Variants in NUDT9 observed in about 807,000 individuals in gnomAD.
The protein encoded by NUDT9 is ADP-ribose pyrophosphatase.
NUDT9 carries 31 observed loss-of-function variants against 41.0 expected under a neutral mutation model. That is an observed-to-expected ratio of 0.76 (90% confidence interval 0.57 to 1.02). The LOEUF (loss-of-function observed/expected upper bound fraction) is 1.02. Among genes scored for constraint, NUDT9 ranks in the 50% least tolerant of loss-of-function variants. The pLI, the probability that NUDT9 is intolerant of heterozygous loss-of-function variation, is 0.00. For synonymous variants in NUDT9, 146 were observed against 147.6 expected (o/e 0.99, Z 0.08); for missense variants, 380 against 431.4 (o/e 0.88, Z 1.06).
intron 4 of NUDT9, among the ~76,000 whole-genome samples, chr4:87,448,825 C>A (rs1722584942): frequency 6.6e-6 from 1 of 152,214 alleles, no homozygotes; most frequent in East Asian, 1.9e-4. Context: ...ACTTTGATAA[C>A]CTTTTCTTTA....
chr4:87,445,599 A>C (rs1304557960), intron 4 of NUDT9: 1 of 152,178 alleles, frequency 6.6e-6, no homozygotes, highest in Non-Finnish European at 1.5e-5. Flanking sequence ...AGGTCAAACA[A>C]TTGATGACAA....
intron 3 of NUDT9, among the ~76,000 whole-genome samples, chr4:87,441,361 G>A (rs1016646640): frequency 1.3e-5 from 2 of 152,120 alleles, no homozygotes; most frequent in Non-Finnish European, 2.9e-5. Flanking sequence ...CTTATCATAT[G>A]CTACAAATAT....
At chr4:87,423,047 T>G in intron 1 of NUDT9, 35 bp downstream of exon 1, 2 of 1,543,002 alleles carry the variant, frequency 1.3e-6, no homozygotes, top group Non-Finnish European at 1.8e-6. Flanking sequence ...TCCTTTGCCC[T>G]AGACCTTGAG....
chr4:87,449,039 TACTCTG>T (rs1722594531), intron 4 of NUDT9, 97 bp from the exon 5 acceptor site: 1 of 636,088 alleles, frequency 1.6e-6, no homozygotes, highest in Admixed American at 2.8e-5. Context: ...AATTTATATA[TACTCTG>T]CTTTAAAGAA....
At chr4:87,456,321 C>T (rs1039672997) in intron 7 of NUDT9, among the ~76,000 whole-genome samples, 1 of 152,144 alleles carries the variant, frequency 6.6e-6, no homozygotes, top group East Asian at 1.9e-4. Flanking sequence ...ATGTTATTCT[C>T]AGCTTCCCTC....
chr4:87,429,563 T>G (rs1342463219), intron 1 of NUDT9, among the ~76,000 whole-genome samples: 1 of 152,114 alleles, frequency 6.6e-6, no homozygotes. Flanking sequence ...TTTTTCCTTC[T>G]CTTTTTTTCC....
intron 1 of NUDT9, chr4:87,434,159 A>G (rs1185269899): frequency 2.0e-5 from 3 of 152,140 alleles, no homozygotes; most frequent in Non-Finnish European, 2.9e-5. Flanking sequence ...GGTTCAAGCA[A>G]TTCTCCTGCC....
chr4:87,445,077 A>G (rs1007189454), intron 4 of NUDT9, among the ~76,000 whole-genome samples: 5 of 152,208 alleles, frequency 3.3e-5, no homozygotes, highest in African/African-American at 1.2e-4. Context: ...AGACTAGTCT[A>G]TTCCAGGCAT....
intron 4 of NUDT9, among the ~76,000 whole-genome samples, chr4:87,446,266 T>TTTTA (rs371329081): frequency 2.0e-5 from 3 of 150,398 alleles, no homozygotes; most frequent in Admixed American, 1.3e-4. Flanking sequence ...TTTTTTTTTT[T>TTTTA]AAGACAGATT....
At chr4:87,431,218 G>C (rs908607578) in intron 1 of NUDT9, among the ~76,000 whole-genome samples, 1 of 152,180 alleles carries the variant, frequency 6.6e-6, no homozygotes, top group African/African-American at 2.4e-5. Flanking sequence ...CTGTTGAAAT[G>C]GTCTTGGTAC....
rs775107939 is a variant in NUDT9, at chr4:87,449,142, A to G, written c.531A>G (p.Arg177=). The change falls in exon 5 of 8, where the codon AGA becomes AGG. Residue 177 remains arginine, a splice_region_variant and synonymous_variant. Transcript: ENST00000302174. ...PNHAADPIIT[R]WKRDSSGNKI... ...TATGATTTTATATTACTATTCACAG[A>G]TGGAAAAGGGATAGCAGTGGAAATA... 1.3e-6 allele frequency: 2 copies of G among 1,542,808 alleles called. No homozygotes were observed. Among genetic ancestry groups the G allele is most frequent in the Non-Finnish European group, 1.8e-6 (2 of 1,115,772 alleles).
Position 87,449,158 on chromosome 4 carries a change from A to G in NUDT9, c.547A>G (p.Ser183Gly). ...PIITRWKRDS[S>G]GNKIMHPVSG... ...TATTCACAGATGGAAAAGGGATAGC[A>G]GTGGAAATAAAATCATGCATCCTGT... Residue 183 changes from serine (S) to glycine (G), a missense_variant, in exon 5 of 8, where the codon AGT becomes GGT. Ser to Gly is a moderately conservative substitution (Grantham distance 56, BLOSUM62 0). Coordinates refer to ENST00000302174, the MANE Select transcript of NUDT9 (RefSeq NM_024047.5). 4 of 1,593,686 alleles carry G rather than the reference A, an allele frequency of 2.5e-6. No homozygotes were observed. Among genetic ancestry groups the G allele is most frequent in the Non-Finnish European group, 3.4e-6 (4 of 1,161,548 alleles).
chr4:87,430,834 C>T (rs1344238093), intron 1 of NUDT9, among the ~76,000 whole-genome samples: 2 of 152,096 alleles, frequency 1.3e-5, no homozygotes, highest in African/African-American at 4.8e-5. Context: ...ATATAACCAA[C>T]CCCTTATCAG....
intron 3 of NUDT9, among the ~76,000 whole-genome samples, chr4:87,441,563 T>G (rs540115225): frequency 1.3e-5 from 2 of 152,288 alleles, no homozygotes; most frequent in East Asian, 3.9e-4. Flanking sequence ...AGGTGAAAAC[T>G]GAAACAAATC....
intron 7 of NUDT9, 62 bp downstream of exon 7, chr4:87,454,517 A>G: frequency 3.9e-6 from 4 of 1,024,854 alleles, no homozygotes; most frequent in South Asian, 3.8e-5. Flanking sequence ...TTAGCCCACT[A>G]AGGCATGATT....
chr4:87,426,700 C>T (rs376486861), intron 1 of NUDT9, among the ~76,000 whole-genome samples: 1 of 151,300 alleles, frequency 6.6e-6, no homozygotes, highest in Admixed American at 6.6e-5. Flanking sequence ...TGAGCCACTG[C>T]GCCTGGCCTT....
At chr4:87,427,136 G>A (rs1047010551) in intron 1 of NUDT9, among the ~76,000 whole-genome samples, 4 of 135,936 alleles carry the variant, frequency 2.9e-5, no homozygotes, top group Non-Finnish European at 1.6e-5. Flanking sequence ...AAAAAAAAAA[G>A]TTAAAAAAAA....
chr4:87,456,804 G>C (rs1462911134), intron 7 of NUDT9, among the ~76,000 whole-genome samples: 1 of 152,154 alleles, frequency 6.6e-6, no homozygotes, highest in Non-Finnish European at 1.5e-5. Context: ...GGTGGCAGAT[G>C]CCTGTAATCC....
chr4:87,457,709 G>A (rs1578083577), intron 7 of NUDT9, 134 bp from the exon 8 acceptor site: 1 of 730,228 alleles, frequency 1.4e-6, no homozygotes, highest in African/African-American at 1.9e-5. Flanking sequence ...GGATGGAATG[G>A]TCTAGTTTTT....
Sources: allele counts gnomAD v4.1 joint callset (sites outside exome capture counted in the v4.1 genomes callset), GRCh38; gene constraint gnomAD v4.1.1; transcripts MANE v1.5; gene names NCBI Gene and HGNC (gene_info 2026-07-23, HGNC 2026-07-21).